CLCNKB: variants seen among roughly 807,000 people sequenced by gnomAD.
CLCNKB encodes the protein chloride voltage-gated channel Kb.
In CLCNKB, 74 loss-of-function variants were observed where a neutral mutation model predicts 83.8. That is an observed-to-expected ratio of 0.88 (90% confidence interval 0.73 to 1.07). The LOEUF (loss-of-function observed/expected upper bound fraction) is 1.07. CLCNKB is among the 50% of genes least tolerant of loss of function. The probability of loss-of-function intolerance (pLI) is 0.00; values close to 1 mark genes in which losing one functional copy is unlikely to be tolerated. For synonymous variants in CLCNKB, 358 were observed against 356.6 expected (o/e 1.00, Z -0.04); for missense variants, 798 against 893.6 (o/e 0.89, Z 1.36).
At chr1:16,056,790 G>T in intron 19 of CLCNKB, 79 bp from the exon 20 acceptor site, 2 of 1,107,022 alleles carry the variant, frequency 1.8e-6, no homozygotes, top group East Asian at 2.4e-5. Context: ...ACCACCCTTA[G>T]GGGAACCAAA....
rs1233554932 is a variant in CLCNKB at position 16,046,608 on chromosome 1, G to A, written c.303G>A (p.Val101=). The A allele has an allele frequency of 6.2e-7, 1 of 1,614,026 alleles. No homozygotes were observed. The highest frequency in any genetic ancestry group is 2.2e-5 in the East Asian group (1 of 44,890). The part of the protein sequence containing the change: ...LRYLSWTVYP[V]ALVSFSSGFS... ...ATCTCTCCTGGACTGTGTACCCTGT[G>A]GCCCTCGTCTCTTTCTCTTCAGGCT... Residue 101 remains valine (V), a synonymous_variant, in exon 4 of 20, where the codon GTG becomes GTA. Coordinates refer to ENST00000375679, the MANE Select transcript of CLCNKB (RefSeq NM_000085.5).
chr1:16,057,097 G>T lies in CLCNKB; in HGVS notation c.*181G>T. The T allele has an allele frequency of 1.4e-6, 1 of 709,054 alleles. No individual in the cohort carries two copies. Among genetic ancestry groups the T allele is most frequent in the Non-Finnish European group, 2.6e-6 (1 of 385,876 alleles). 43.9% of individuals were successfully genotyped at this position (709,054 alleles called of 1,614,324 possible). On this transcript the variant is annotated 3_prime_UTR_variant, in exon 20 of 20. Transcript: ENST00000375679. Reference sequence around the variant, plus strand: ...ATGGCTCATCCTGGGTGGGACGATGGCTCCTGCCTTGAAAGACAAAAATCC... The same window carrying T: ...ATGGCTCATCCTGGGTGGGACGATGTCTCCTGCCTTGAAAGACAAAAATCC...
Position 16,049,180 on chromosome 1 carries a change from G to C in CLCNKB, c.716G>C (p.Gly239Ala). 6.2e-7 allele frequency: 1 copy of C among 1,613,538 alleles called. No homozygotes were observed. The highest frequency in any genetic ancestry group is 8.5e-7 in the Non-Finnish European group (1 of 1,180,010). Reference sequence around the variant, plus strand: ...TTCTCTGTCTGGGATTACTGGAGGGGCTTCTTTGCGGCCACCTGCGGGGCC... The same window carrying C: ...TTCTCTGTCTGGGATTACTGGAGGGCCTTCTTTGCGGCCACCTGCGGGGCC... ...SHFSVWDYWR[G>A]FFAATCGAFM... Residue 239 changes from glycine to alanine, a missense_variant, in exon 8 of 20, where the codon GGC (glycine) becomes GCC (alanine). Coordinates refer to ENST00000375679, the MANE Select transcript of CLCNKB (RefSeq NM_000085.5).
At chr1:16,050,828 T>G in intron 11 of CLCNKB, 47 bp from the exon 12 acceptor site, 3 of 1,609,884 alleles carry the variant, frequency 1.9e-6, no homozygotes, top group Non-Finnish European at 1.7e-6. Flanking sequence ...GGCTGGGGTC[T>G]GCCGCTGGGG....
Position 16,052,640 on chromosome 1 carries a change from G to A in CLCNKB, c.1622+229G>A, listed in dbSNP as rs111697013. On this transcript the variant is annotated intron_variant, in intron 15 of 19. Coordinates refer to ENST00000375679, the MANE Select transcript of CLCNKB (RefSeq NM_000085.5). The stretch of plus-strand genomic sequence containing the variant: ...TAGGGGTCAGCTGGGCTTCACAGCA[G>A]GAGGATGAGTATTGCCCCGTGTACA... 0.022 allele frequency among the ~76,000 whole-genome samples: 3,397 copies of A among 152,294 alleles called. 146 individuals are homozygous for A. Among genetic ancestry groups the A allele is most frequent in the African/African-American group, 0.077 (3,191 of 41,528 alleles).
Position 16,048,789 on chromosome 1 carries a change from A to T in CLCNKB, c.655+207A>T, listed in dbSNP as rs532855049. The T allele has an allele frequency of 2.1e-5, 30 of 1,451,184 alleles. No homozygotes were observed. In the Admixed American group the frequency reaches 5.3e-4, roughly 26 times the overall value. The allele number at this position is 1,451,184 out of a possible 1,614,324, so 89.9% of individuals were successfully genotyped here. A position where few individuals can be genotyped will look rare whatever the true frequency, so the allele number is the denominator to read the frequency against. On this transcript the variant is annotated intron_variant, in intron 7 of 19. Transcript: ENST00000375679. ...TGGCGGTGCTAAGAGGCTTCAGTGT[A>T]ACATTATACAGACTTGGGTTTGAAA...
At position 16,053,781 on chromosome 1, in the gene CLCNKB, C is replaced by T; in HGVS notation, c.1756+9C>T. 6.2e-7 allele frequency: 1 copy of T among 1,613,736 alleles called. No homozygotes were observed. The highest frequency in any genetic ancestry group is 8.5e-7 in the Non-Finnish European group (1 of 1,179,942). ...CCTGGTGGAGAGCACAGGTGCCCAG[C>T]CGGAAGGGAGGAGGAAGTCGGGGGT... On this transcript the variant is annotated intron_variant, in intron 16 of 19. Transcript: ENST00000375679.
intron 3 of CLCNKB, among the ~76,000 whole-genome samples, chr1:16,046,174 C>T (rs112989073): frequency 0.022 from 3,281 of 152,308 alleles, 65 homozygotes; most frequent in Non-Finnish European, 0.029. Context: ...TATGGTGTTA[C>T]GGTGTTTGGT....
In CLCNKB at chr1:16,049,386, T is replaced by A. The variant is rs2023209268; in HGVS notation, c.781+141T>A. 5.9e-6 allele frequency: 9 copies of A among 1,520,464 alleles called. No homozygotes were observed. In the South Asian group the frequency reaches 7.6e-5, roughly 13 times the overall value. The allele number at this position is 1,520,464 out of a possible 1,614,324, so 94.2% of individuals were successfully genotyped here. On this transcript the variant is annotated intron_variant, in intron 8 of 19. Transcript: ENST00000375679. ...CCTCTTCCTTGTTCCCACCTCCTTC[T>A]GGGAGGATGGAGGGGGCTGACCTGT...
intron 2 of CLCNKB, among the ~76,000 whole-genome samples, chr1:16,044,896 G>GGTTA (rs1312331442): frequency 6.6e-6 from 1 of 152,230 alleles, no homozygotes; most frequent in African/African-American, 2.4e-5. Flanking sequence ...GGGACGTGGG[G>GGTTA]GTTAGCTGCT....
chr1:16,048,642 G>A (rs2023178692), intron 7 of CLCNKB, 60 bp downstream of exon 7: 3 of 1,604,362 alleles, frequency 1.9e-6, no homozygotes, highest in African/African-American at 1.4e-5. Flanking sequence ...CACACCCTGG[G>A]CTCCTTCGGC....
rs539214175 is a variant in CLCNKB, at chr1:16,047,964, G to T, written c.418G>T (p.Asp140Tyr). 6.2e-7 allele frequency: 1 copy of T among 1,614,130 alleles called. No individual in the cohort carries two copies. Among genetic ancestry groups the T allele is most frequent in the Non-Finnish European group, 8.5e-7 (1 of 1,180,034 alleles). The change falls in exon 5 of 20, where the codon GAT becomes TAT. Residue 140 changes from aspartate (D) to tyrosine (Y), a missense_variant. Asp to Tyr is a radical substitution (Grantham distance 160). Coordinates refer to ENST00000375679, the MANE Select transcript of CLCNKB (RefSeq NM_000085.5). ...GGGTGTGGTCTTGGAGGACTACCTG[G>T]ATATCAAGAACTTTGGGGCCAAAGT... ...LAGVVLEDYLDIKNFGAKVVG... is the reference protein window; with the variant it reads ...LAGVVLEDYLYIKNFGAKVVG...
At chr1:16,048,835 G>T (rs1286658188) in intron 7 of CLCNKB, 2 of 1,439,148 alleles carry the variant, frequency 1.4e-6, no homozygotes, top group Non-Finnish European at 1.8e-6. Context: ...ACCCTGGCCC[G>T]TTGGCCTCTC....
Position 16,046,522 on chromosome 1 carries a change from C to T in CLCNKB, c.230-13C>T, listed in dbSNP as rs757789729. ...AGGCTGTGGGTGCCTCCCTGATACC[C>T]GGCTGTCCCCAGCGCACCAGTGGCT... On this transcript the variant is annotated splice_polypyrimidine_tract_variant and intron_variant, in intron 3 of 19. Coordinates refer to ENST00000375679, the MANE Select transcript of CLCNKB (RefSeq NM_000085.5). 17 of 1,613,544 alleles carry T rather than the reference C, an allele frequency of 1.1e-5. No homozygotes were observed. The highest frequency in any genetic ancestry group is 1.8e-4 in the Middle Eastern group (1 of 5,656).
chr1:16,053,398 G>C (rs1021353300), intron 15 of CLCNKB, among the ~76,000 whole-genome samples: 2 of 152,096 alleles, frequency 1.3e-5, no homozygotes, highest in Admixed American at 6.6e-5. Flanking sequence ...AGTGGAGCTG[G>C]TCTGGGGGAC....
chr1:16,047,408 G>C (rs2023133466), intron 4 of CLCNKB, among the ~76,000 whole-genome samples: 1 of 152,026 alleles, frequency 6.6e-6, no homozygotes, highest in Non-Finnish European at 1.5e-5. Flanking sequence ...TTGCACCACT[G>C]TACTCCAGTC....
chr1:16,046,028 G>C (rs2023089607), intron 3 of CLCNKB, among the ~76,000 whole-genome samples: 4 of 152,322 alleles, frequency 2.6e-5, no homozygotes, highest in Non-Finnish European at 5.9e-5. Context: ...CACTAAGCTT[G>C]GTGCTTCCTC....
chr1:16,049,792 G>A (rs1210897006), intron 9 of CLCNKB, 23 bp from the exon 10 acceptor site: 1 of 1,613,700 alleles, frequency 6.2e-7, no homozygotes, highest in East Asian at 2.2e-5. Flanking sequence ...CGGGCTCTGG[G>A]CTCATGTCTC....
intron 12 of CLCNKB, 71 bp from the exon 13 acceptor site, chr1:16,051,407 G>A: frequency 6.4e-7 from 1 of 1,559,036 alleles, no homozygotes; most frequent in South Asian, 1.1e-5. Flanking sequence ...CCTGTCCCAT[G>A]TCCTGTCCTC....
Sources: gnomAD v4.1 joint callset for allele counts (sites outside exome capture counted in the v4.1 genomes callset) on GRCh38, gnomAD v4.1.1 for gene constraint, MANE v1.5 for transcripts, NCBI Gene and HGNC (gene_info 2026-07-23, HGNC 2026-07-21) for gene names.